Variants in UNC80 observed in about 807,000 individuals in gnomAD.
UNC80 encodes the protein protein unc-80 homolog.
In UNC80, 164 loss-of-function variants were observed where a neutral mutation model predicts 384.6. The observed-to-expected ratio is 0.43, with a 90% CI of 0.38 to 0.49. The LOEUF is 0.49. UNC80 is among the 20% of genes least tolerant of loss of function. The pLI is 0.00. For synonymous variants in UNC80, 1,486 were observed against 1,527.8 expected, an observed-to-expected ratio of 0.97 and a Z score of 0.64; for missense variants, 3,330 against 4,143.0, an observed-to-expected ratio of 0.80 and a Z score of 5.39.
chr2:209,921,436 T>C, intron 33 of UNC80, 64 bp from the exon 34 acceptor site: 1 of 1,439,158 alleles, frequency 6.9e-7, no homozygotes, highest in East Asian at 2.5e-5. Flanking sequence ...ATTGGAACAC[T>C]CTTTATGCCT....
At chr2:209,961,687 T>C (rs1046668869) in intron 51 of UNC80, among the ~76,000 whole-genome samples, 4 of 152,148 alleles carry the variant, frequency 2.6e-5, no homozygotes, top group African/African-American at 9.7e-5. Context: ...AAAATCATAA[T>C]ATAAATAAGT....
intron 42 of UNC80, among the ~76,000 whole-genome samples, chr2:209,938,676 G>GTCTCTGTCTCTGTCTCTCTC (rs1169823903): frequency 7.3e-6 from 1 of 137,386 alleles, no homozygotes; most frequent in African/African-American, 2.7e-5. Flanking sequence ...CCTAGTCTCT[G>GTCTCTGTCTCTGTCTCTCTC]TCTCTCTCTC....
chr2:209,794,462 TA>T (rs2078029332), intron 7 of UNC80, among the ~76,000 whole-genome samples: 1 of 152,216 alleles, frequency 6.6e-6, no homozygotes, highest in African/African-American at 2.4e-5. Flanking sequence ...TACTTTCAAA[TA>T]AAATTATAGC....
In UNC80 at chr2:209,922,312, G is replaced by A. The variant is rs776350325; in HGVS notation, c.5591G>A (p.Ser1864Asn). 2.6e-5 allele frequency: 41 copies of A among 1,551,980 alleles called. No homozygotes were observed. The highest frequency in any genetic ancestry group is 3.6e-5 in the Non-Finnish European group (41 of 1,147,070). Residue 1864 changes from serine to asparagine, a missense_variant, in exon 35 of 65, where the codon AGC becomes AAC. By Grantham distance (46) the Ser-to-Asn change is conservative (BLOSUM62 1). Transcript: ENST00000673920. Reference protein sequence around the residue: ...RLSVSPSCTSSTSHRNYSFRR... With the variant: ...RLSVSPSCTSNTSHRNYSFRR... ...TCTGTGAGTCCATCCTGCACCTCCA[G>A]CACTTCCCACAGGAATTATTCCTTC... is the stretch of plus-strand genomic sequence containing the variant.
chr2:209,819,228 C>G lies in UNC80; in HGVS notation c.1929C>G (p.Asn643Lys). The G allele has an allele frequency of 6.4e-7, 1 of 1,551,452 alleles. No individual in the cohort carries two copies. The highest frequency in any genetic ancestry group is 8.7e-7 in the Non-Finnish European group (1 of 1,146,898). ...EDTEHIDGTN[N>K]FVHKNGMLDL... ...CAGAACATATTGACGGGACCAATAA[C>G]TTTGTCCACAAGAATGGAATGCTTG... The change falls in exon 12 of 65, where the codon AAC becomes AAG. Residue 643 changes from asparagine to lysine, a missense_variant. By Grantham distance (94) the Asn-to-Lys change is moderately conservative (BLOSUM62 0). Transcript: ENST00000673920.
intron 30 of UNC80, among the ~76,000 whole-genome samples, 182 bp downstream of exon 30, chr2:209,912,849 A>G (rs934574583): frequency 6.6e-6 from 1 of 152,232 alleles, no homozygotes; most frequent in Non-Finnish European, 1.5e-5. Flanking sequence ...TCTTCTTGCT[A>G]TATAGCCAGC....
rs2076839083 is a variant in UNC80, at chr2:209,775,999, T to C, written c.252T>C (p.His84=). 1 of 1,614,178 alleles carries C rather than the reference T, an allele frequency of 6.2e-7. No homozygotes were observed. Among genetic ancestry groups the C allele is most frequent in the African/African-American group, 1.3e-5 (1 of 75,042 alleles). ...AACTGGTGCAAGCTGCTTTGCCTCATGTCCTCCACTGCACTGCAACCCTGC... is the reference window on the plus strand; with the variant it reads ...AACTGGTGCAAGCTGCTTTGCCTCACGTCCTCCACTGCACTGCAACCCTGC... ...RWELVQAALP[H]VLHCTATLLS... Residue 84 remains histidine (H), a synonymous_variant, in exon 3 of 65, where the codon CAT becomes CAC. Transcript: ENST00000673920.
chr2:209,890,091 A>G lies in UNC80; in HGVS notation c.4276+1831A>G, dbSNP rs566380865. Among the ~76,000 whole-genome samples the G allele has an allele frequency of 4.6e-5, 7 of 152,198 alleles. No homozygotes were observed. In the South Asian group the frequency reaches 1.2e-3, roughly 27 times the overall value. On this transcript the variant is annotated intron_variant, in intron 26 of 64. Coordinates refer to ENST00000673920, the MANE Select transcript of UNC80 (RefSeq NM_001371986.1). ...TTATATATCATTCTTGTGCAATCCT[A>G]TATGTATATATATAAATAAAATTAA...
chr2:209,839,300 T>C lies in UNC80; in HGVS notation c.3120T>C (p.Ser1040=), dbSNP rs1256373538. The C allele has an allele frequency of 7.1e-6, 11 of 1,551,490 alleles. No individual in the cohort carries two copies. The highest frequency in any genetic ancestry group is 8.7e-6 in the Non-Finnish European group (10 of 1,147,002). Residue 1040 remains serine, a synonymous_variant, in exon 19 of 65, where the codon AGT becomes AGC. Coordinates refer to ENST00000673920, the MANE Select transcript of UNC80 (RefSeq NM_001371986.1). The surrounding 1 kb of genome is among the most constrained non-coding windows in gnomAD (Gnocchi z 4.1). ...RKMFKSQSAA[S]DTSSQSEQDT... is the part of the protein sequence containing the mutation. ...TGTTCAAGTCCCAGAGTGCAGCAAG[T>C]GACACCAGCAGCCAGTCTGAACAGG...
intron 35 of UNC80, among the ~76,000 whole-genome samples, chr2:209,923,450 C>A (rs1308030081): frequency 1.3e-5 from 2 of 152,096 alleles, no homozygotes; most frequent in East Asian, 3.8e-4. Flanking sequence ...GTTGTCCCAG[C>A]ACTATTCATA....
chr2:209,925,794 A>G (rs1289921164), intron 35 of UNC80, among the ~76,000 whole-genome samples: 3 of 152,166 alleles, frequency 2.0e-5, no homozygotes, highest in Non-Finnish European at 4.4e-5. Context: ...GTCCACATCC[A>G]ACCCAGAAGA....
In UNC80 at chr2:209,888,142, C is replaced by T; in HGVS notation, c.4158C>T (p.His1386=). Residue 1386 remains histidine (H), a synonymous_variant, in exon 26 of 65, where the codon CAC becomes CAT. Transcript: ENST00000673920. ...RLRLDPELDR[H]RYERKISFAG... ...GTTTGGATCCCGAGTTGGACCGGCA[C>T]AGATATGAGAGGAAGATCAGCTTTG... The T allele has an allele frequency of 1.3e-6, 2 of 1,551,606 alleles. No homozygotes were observed. The highest frequency in any genetic ancestry group is 1.7e-6 in the Non-Finnish European group (2 of 1,146,990).
chr2:209,773,806 A>G (rs1431106782), intron 2 of UNC80, among the ~76,000 whole-genome samples: 1 of 152,252 alleles, frequency 6.6e-6, no homozygotes, highest in Non-Finnish European at 1.5e-5. Flanking sequence ...TATGTCTTGC[A>G]TATGTTCTCC....
In UNC80 at chr2:209,929,904, G is replaced by A. The variant is rs1236080636; in HGVS notation, c.5840G>A (p.Cys1947Tyr). Reference sequence around the variant, plus strand: ...GTGGCTCAACAAGTCTTATGGAACTGTCTAATTGAAGATCCATCAACGGTT... The same window carrying A: ...GTGGCTCAACAAGTCTTATGGAACTATCTAATTGAAGATCCATCAACGGTT... ...SAVAQQVLWNCLIEDPSTVLR... is the reference protein window; with the variant it reads ...SAVAQQVLWNYLIEDPSTVLR... The change falls in exon 37 of 65, where the codon TGT becomes TAT. Residue 1947 changes from cysteine (C) to tyrosine (Y), a missense_variant. Physicochemically the swap from Cys to Tyr is radical, Grantham distance 194. Transcript: ENST00000673920. 7.2e-6 allele frequency: 11 copies of A among 1,535,638 alleles called. No homozygotes were observed. Among genetic ancestry groups the A allele is most frequent in the African/African-American group, 1.4e-5 (1 of 71,868 alleles).
chr2:209,820,769 C>T, intron 13 of UNC80, 90 bp downstream of exon 13: 2 of 1,399,790 alleles, frequency 1.4e-6, no homozygotes, highest in Non-Finnish European at 1.9e-6. Context: ...TGAATCTGAA[C>T]AGCACCTAGT....
chr2:209,887,855 C>G (rs1447700125), intron 25 of UNC80, among the ~76,000 whole-genome samples: 2 of 152,094 alleles, frequency 1.3e-5, no homozygotes, highest in Admixed American at 1.3e-4. Flanking sequence ...AAGGCCTATG[C>G]TTTTGGAAGG....
At chr2:209,861,806 C>CT (rs1345210477) in intron 22 of UNC80, among the ~76,000 whole-genome samples, 2 of 152,112 alleles carry the variant, frequency 1.3e-5, no homozygotes, top group Non-Finnish European at 2.9e-5. Context: ...TCTAGATTTT[C>CT]TAGTTTATTT....
chr2:209,853,090 CATAGTT>C (rs1161380502), intron 22 of UNC80, among the ~76,000 whole-genome samples: 3 of 151,864 alleles, frequency 2.0e-5, no homozygotes, highest in East Asian at 1.9e-4. Flanking sequence ...TAGATAGAGA[CATAGTT>C]ATAGATTCCG....
intron 24 of UNC80, among the ~76,000 whole-genome samples, chr2:209,878,366 A>G (rs968373667): frequency 6.6e-6 from 1 of 152,202 alleles, no homozygotes; most frequent in Non-Finnish European, 1.5e-5. Context: ...AAATATTGGT[A>G]TTAGACTTCT....
Sources: allele counts gnomAD v4.1 joint callset (sites outside exome capture counted in the v4.1 genomes callset), GRCh38; gene constraint gnomAD v4.1.1; non-coding constraint Gnocchi (gnomAD v3.1); transcripts MANE v1.5; gene names NCBI Gene and HGNC (gene_info 2026-07-23, HGNC 2026-07-21).